IL11RA: variants seen among roughly 807,000 people sequenced by gnomAD.
IL11RA encodes interleukin-11 receptor subunit alpha.
Under a neutral mutation model 57.0 loss-of-function variants are expected in IL11RA, and 51 were observed. The observed-to-expected ratio is 0.89, with a 90% confidence interval of 0.71 to 1.13. The LOEUF (loss-of-function observed/expected upper bound fraction) is 1.13, where lower values mean the gene tolerates loss of function less well. IL11RA is among the 50% of genes most tolerant of loss of function. The probability of loss-of-function intolerance (pLI) is 0.00; values close to 1 mark genes in which losing one functional copy is unlikely to be tolerated. For missense variants in IL11RA, 498 were observed against 539.4 expected (o/e 0.92, Z 0.76); for synonymous variants, 199 against 217.5 (o/e 0.91, Z 0.75).
intron 9 of IL11RA, 144 bp from the exon 10 acceptor site, chr9:34,660,130 A>G: frequency 1.5e-6 from 2 of 1,330,832 alleles, no homozygotes; most frequent in South Asian, 1.2e-5. Context: ...GGAGCTTGCC[A>G]TGCTCCCTAG....
chr9:34,660,280 T>C lies in IL11RA; in HGVS notation c.959T>C (p.Ile320Thr), dbSNP rs1274185971. The C allele has an allele frequency of 1.9e-6, 3 of 1,614,054 alleles. No homozygotes were observed. Among genetic ancestry groups the C allele is most frequent in the Non-Finnish European group, 2.5e-6 (3 of 1,180,026 alleles). ...EAWGTPSTGT[I>T]PKEIPAWGQL... ...GGGTCTTGCCTTCCTTTAGGGACCA[T>C]ACCAAAGGAGATACCAGCATGGGGC... The change falls in exon 10 of 13, where the codon ATA (isoleucine) becomes ACA (threonine). Residue 320 changes from isoleucine to threonine, a missense_variant. Coordinates refer to ENST00000441545, the MANE Select transcript of IL11RA (RefSeq NM_001142784.3).
In IL11RA at chr9:34,658,849, G is replaced by A. The variant is rs1821399492; in HGVS notation, c.810+166G>A. Among the ~76,000 whole-genome samples the A allele has an allele frequency of 6.6e-6, 1 of 152,228 alleles. No homozygotes were observed. Among genetic ancestry groups the A allele is most frequent in the Non-Finnish European group, 1.5e-5 (1 of 68,042 alleles). On this transcript the variant is annotated intron_variant, in intron 8 of 12. Transcript: ENST00000441545. This position sits in a 1 kb window ranked among gnomAD's most constrained non-coding sequence, Gnocchi z 4.0. The stretch of plus-strand genomic sequence containing the variant: ...TGCTGGGTTGCAGTGGTGACTGAGA[G>A]ACTGAATGTCTGTCCTGTGGGGCTA...
rs1459552323 is a variant in IL11RA at position 34,656,853 on chromosome 9, C to T, written c.276C>T (p.Tyr92=). The T allele has an allele frequency of 2.0e-5, 32 of 1,614,178 alleles. No homozygotes were observed. The highest frequency in any genetic ancestry group is 2.6e-5 in the Non-Finnish European group (31 of 1,180,030). ...AQADSTDEGT[Y]ICQTLDGALG... is the part of the protein sequence containing the mutation. Reference sequence around the variant, plus strand: ...CAGACAGCACTGATGAGGGCACCTACATCTGCCAGACCCTGGATGGTGCAC... The same window carrying T: ...CAGACAGCACTGATGAGGGCACCTATATCTGCCAGACCCTGGATGGTGCAC... The change falls in exon 4 of 13, where the codon TAC becomes TAT. Residue 92 remains tyrosine (Y), a synonymous_variant. Coordinates refer to ENST00000441545, the MANE Select transcript of IL11RA (RefSeq NM_001142784.3).
Position 34,658,928 on chromosome 9 carries a change from T to A in IL11RA, c.810+245T>A, listed in dbSNP as rs1307031017. ...AAGATAGCAATGGCTTTTAAAAAAA[T>A]AACTTTTTTTTTTTGAGAGGGAGTC... On this transcript the variant is annotated intron_variant, in intron 8 of 12. Transcript: ENST00000441545. This position sits in a 1 kb window ranked among gnomAD's most constrained non-coding sequence, Gnocchi z 4.0. Among the ~76,000 whole-genome samples, 3 of 152,046 alleles carry A rather than the reference T, an allele frequency of 2.0e-5. No individual in the cohort carries two copies. The highest frequency in any genetic ancestry group is 7.2e-5 in the African/African-American group (3 of 41,434).
At position 34,658,818 on chromosome 9, in the gene IL11RA, A is replaced by T; in HGVS notation, c.810+135A>T. On this transcript the variant is annotated intron_variant, in intron 8 of 12. Transcript: ENST00000441545. The surrounding 1 kb of genome is among the most constrained non-coding windows in gnomAD (Gnocchi z 4.0). ...CACTTCCCTGTGGGCCAGGCTTTGT[A>T]CTGGGTGCTGGGTTGCAGTGGTGAC... 2 of 983,820 alleles carry T rather than the reference A, an allele frequency of 2.0e-6. No homozygotes were observed. The highest frequency in any genetic ancestry group is 3.1e-6 in the Non-Finnish European group (2 of 641,298). The allele number at this position is 983,820 out of a possible 1,614,324, so 60.9% of individuals were successfully genotyped here.
intron 11 of IL11RA, 30 bp downstream of exon 11, chr9:34,660,630 C>T: frequency 6.4e-7 from 1 of 1,550,880 alleles, no homozygotes; most frequent in East Asian, 2.2e-5. Flanking sequence ...CCCTCAGCCT[C>T]TGATCCTCAC....
At position 34,655,308 on chromosome 9, in the gene IL11RA, G is replaced by A. The variant is rs1195493116; in HGVS notation, c.91G>A (p.Gly31Ser). 6.3e-7 allele frequency: 1 copy of A among 1,597,118 alleles called. No individual in the cohort carries two copies. The highest frequency in any genetic ancestry group is 8.6e-7 in the Non-Finnish European group (1 of 1,166,732). The change falls in exon 2 of 13, where the codon GGC (glycine) becomes AGC (serine). Residue 31 changes from glycine to serine, a missense_variant. Coordinates refer to ENST00000441545, the MANE Select transcript of IL11RA (RefSeq NM_001142784.3). ...CTCCTCCCCCTGCCCCCAGGCCTGG[G>A]GCCCCCCAGGTGAGAAGAACCCTGC... ...SASSPCPQAW[G>S]PPGVQYGQPG...
Position 34,655,439 on chromosome 9 carries a change from T to C in IL11RA, c.100+122T>C, listed in dbSNP as rs2812357. On this transcript the variant is annotated intron_variant, in intron 2 of 12. Transcript: ENST00000441545. Reference sequence around the variant, plus strand: ...TGCTCCTGTCATCCAACCTGGGTCCTCTCTCTACCCTGTTCTCTGACCTCT... The same window carrying C: ...TGCTCCTGTCATCCAACCTGGGTCCCCTCTCTACCCTGTTCTCTGACCTCT... 0.58 allele frequency: 501,762 copies of C among 861,380 alleles called. 147,377 individuals are homozygous for C. Among genetic ancestry groups the C allele is most frequent in the Middle Eastern group, 0.61 (2,102 of 3,460 alleles). The allele number at this position is 861,380 out of a possible 1,614,324, so 53.4% of individuals were successfully genotyped here.
chr9:34,652,864 A>G (rs770315852), intron 1 of IL11RA, among the ~76,000 whole-genome samples: 8 of 152,064 alleles, frequency 5.3e-5, no homozygotes, highest in Admixed American at 1.3e-4. Context: ...CATCAGGTCT[A>G]CTGCTCCTTA....
At chr9:34,654,994 CGTGTGTGT>C (rs59679449) in intron 1 of IL11RA, 108 of 475,442 alleles carry the variant, frequency 2.3e-4, no homozygotes, top group South Asian at 2.1e-3. Flanking sequence ...TGTGTGTGTC[CGTGTGTGT>C]GTGTGTGTGT....
In IL11RA at chr9:34,657,299, C is replaced by A; in HGVS notation, c.447-4C>A. 1 of 1,614,168 alleles carries A rather than the reference C, an allele frequency of 6.2e-7. No individual in the cohort carries two copies. The highest frequency in any genetic ancestry group is 8.5e-7 in the Non-Finnish European group (1 of 1,180,028). On this transcript the variant is annotated splice_polypyrimidine_tract_variant and splice_region_variant and intron_variant, in intron 5 of 12. Transcript: ENST00000441545. ...CTGACTTCAGATGGCCCCCTCCCCA[C>A]CAGGAAGAAGACAGTCCTAGGAGCT...
At chr9:34,652,734 G>A (rs1821276111) in intron 1 of IL11RA, among the ~76,000 whole-genome samples, 2 of 152,144 alleles carry the variant, frequency 1.3e-5, no homozygotes, top group Admixed American at 6.5e-5. Context: ...CTGTATTCAT[G>A]TATTGGGGGA....
At chr9:34,657,202 T>C (rs574264852) in intron 5 of IL11RA, 53 bp downstream of exon 5, 14 of 1,605,372 alleles carry the variant, frequency 8.7e-6, no homozygotes, top group South Asian at 2.2e-5. Context: ...GCTGGTGCAA[T>C]GTGGGTGTGG....
At chr9:34,655,178 C>A (rs1159784721) in intron 1 of IL11RA, 40 bp from the exon 2 acceptor site, 1 of 1,425,686 alleles carries the variant, frequency 7.0e-7, no homozygotes, top group Non-Finnish European at 9.8e-7. Flanking sequence ...AGCCTCCCAT[C>A]TCAGGGGTCG....
At chr9:34,659,628 C>T in intron 8 of IL11RA, 131 bp from the exon 9 acceptor site, 1 of 1,113,904 alleles carries the variant, frequency 9.0e-7, no homozygotes, top group Non-Finnish European at 1.4e-6. Context: ...CACCAGACAC[C>T]CAACATGAGA....
intron 1 of IL11RA, among the ~76,000 whole-genome samples, chr9:34,652,750 C>A (rs1479834633): frequency 1.3e-5 from 2 of 152,096 alleles, no homozygotes; most frequent in Non-Finnish European, 2.9e-5. Context: ...GGGGACCTAC[C>A]TCAAGAGCCC....
chr9:34,661,892 A>G lies in IL11RA; in HGVS notation c.*394A>G. 1 of 1,600,080 alleles carries G rather than the reference A, an allele frequency of 6.2e-7. No homozygotes were observed. The highest frequency in any genetic ancestry group is 8.6e-7 in the Non-Finnish European group (1 of 1,168,752). On this transcript the variant is annotated 3_prime_UTR_variant, in exon 13 of 13. Coordinates refer to ENST00000441545, the MANE Select transcript of IL11RA (RefSeq NM_001142784.3). ...GAGAATAAGGAAGTTCTTGGAGATTATACTCAGAAATTATTATCCAATGCT... is the reference window on the plus strand; with the variant it reads ...GAGAATAAGGAAGTTCTTGGAGATTGTACTCAGAAATTATTATCCAATGCT...
intron 1 of IL11RA, chr9:34,654,985 G>A (rs1310815823): frequency 5.9e-6 from 3 of 505,914 alleles, no homozygotes; most frequent in East Asian, 7.0e-5. Flanking sequence ...GTGAGGGGGT[G>A]TGTGTGTCCG....
rs1821458441 is a variant in IL11RA at position 34,661,600 on chromosome 9, G to T, written c.*102G>T. On this transcript the variant is annotated 3_prime_UTR_variant, in exon 13 of 13. Transcript: ENST00000441545. ...AGATCCCTATGGTTGGATCTCAGCTGGAAGTTCTGTTTGGAGCCCATTTCT... is the reference window on the plus strand; with the variant it reads ...AGATCCCTATGGTTGGATCTCAGCTTGAAGTTCTGTTTGGAGCCCATTTCT... 7.7e-7 allele frequency: 1 copy of T among 1,293,892 alleles called. No individual in the cohort carries two copies. Among genetic ancestry groups the T allele is most frequent in the African/African-American group, 1.5e-5 (1 of 68,718 alleles). The allele number at this position is 1,293,892 out of a possible 1,614,324, so 80.2% of individuals were successfully genotyped here.
Sources: allele counts gnomAD v4.1 joint callset (sites outside exome capture counted in the v4.1 genomes callset), GRCh38; gene constraint gnomAD v4.1.1; non-coding constraint Gnocchi (gnomAD v3.1); transcripts MANE v1.5; gene names NCBI Gene and HGNC (gene_info 2026-07-23, HGNC 2026-07-21).